The following ZMAT4 variants were observed in gnomAD, a reference collection of about 807,000 sequenced individuals.
The protein encoded by ZMAT4 is zinc finger matrin-type protein 4.
Under a neutral mutation model 28.7 loss-of-function variants are expected in ZMAT4, and 17 were observed. That is an observed-to-expected ratio of 0.59 (90% CI 0.41 to 0.89). The LOEUF (loss-of-function observed/expected upper bound fraction) is 0.89, where lower values mean the gene tolerates loss of function less well. Ranked by LOEUF, ZMAT4 falls within the 40% of genes least tolerant of loss-of-function variation. The pLI, the probability that ZMAT4 is intolerant of heterozygous loss-of-function variation, is 0.00. For missense variants in ZMAT4, 240 were observed against 283.8 expected (o/e 0.85, Z 1.11); for synonymous variants, 117 against 109.2 (o/e 1.07, Z -0.44).
intron 1 of ZMAT4, among the ~76,000 whole-genome samples, chr8:40,891,279 A>AGGGGGGAGG (rs1818676174): frequency 7.4e-6 from 1 of 135,402 alleles, no homozygotes; most frequent in Non-Finnish European, 1.6e-5. Flanking sequence ...GGAAGGGGAA[A>AGGGGGGAGG]TTGAAGACAG....
rs182768867 is a variant in ZMAT4 at position 40,764,856 on chromosome 8, G to A, written c.192+2785C>T. ...ATTATTATTATTATTTTTAGAGACA[G>A]TGTCTCACTCTGTTGCCCAGACTGG... On this transcript the variant is annotated intron_variant, in intron 3 of 6. Coordinates refer to ENST00000297737, the MANE Select transcript of ZMAT4 (RefSeq NM_024645.3). Among the ~76,000 whole-genome samples the A allele has an allele frequency of 5.5e-4, 83 of 152,126 alleles. 1 individual carries two copies. In the East Asian group the frequency reaches 0.013, roughly 23 times the overall value.
At chr8:40,656,488 T>C (rs1398150189) in intron 5 of ZMAT4, among the ~76,000 whole-genome samples, 2 of 152,092 alleles carry the variant, frequency 1.3e-5, no homozygotes, top group African/African-American at 2.4e-5. Flanking sequence ...CAAAAACTTT[T>C]CCATGAATGT....
chr8:40,640,830 A>G (rs1380967616), intron 5 of ZMAT4, among the ~76,000 whole-genome samples: 1 of 151,888 alleles, frequency 6.6e-6, no homozygotes, highest in Admixed American at 6.6e-5. Flanking sequence ...ATGGTGGTGC[A>G]TTCCTGTAGT....
At chr8:40,794,170 A>G (rs1814484441) in intron 2 of ZMAT4, among the ~76,000 whole-genome samples, 1 of 152,170 alleles carries the variant, frequency 6.6e-6, no homozygotes, top group Non-Finnish European at 1.5e-5. Flanking sequence ...GTTGATGCAT[A>G]ATGTGGTGCA....
At chr8:40,860,400 A>G (rs554347614) in intron 1 of ZMAT4, among the ~76,000 whole-genome samples, 1 of 152,346 alleles carries the variant, frequency 6.6e-6, no homozygotes, top group Non-Finnish European at 1.5e-5. Flanking sequence ...ATTAAAACAG[A>G]CAATTTTTCA....
At chr8:40,665,877 T>A (rs1236385373) in intron 5 of ZMAT4, among the ~76,000 whole-genome samples, 1 of 152,192 alleles carries the variant, frequency 6.6e-6, no homozygotes, top group African/African-American at 2.4e-5. Flanking sequence ...TATAATTCAA[T>A]GATATTGACT....
At chr8:40,777,468 T>C (rs1813646201) in intron 2 of ZMAT4, among the ~76,000 whole-genome samples, 2 of 152,226 alleles carry the variant, frequency 1.3e-5, no homozygotes, top group South Asian at 4.1e-4. Flanking sequence ...CCTTTTCCTG[T>C]TGCCCCGGGC....
chr8:40,588,142 T>C (rs2118568023), intron 5 of ZMAT4, among the ~76,000 whole-genome samples: 1 of 152,012 alleles, frequency 6.6e-6, no homozygotes, highest in East Asian at 1.9e-4. Context: ...TATTTAAATG[T>C]AAAAACCAAA....
chr8:40,850,777 G>C (rs555614434), intron 1 of ZMAT4, among the ~76,000 whole-genome samples: 2 of 152,086 alleles, frequency 1.3e-5, no homozygotes, highest in Non-Finnish European at 2.9e-5. Context: ...CTTACAGTCC[G>C]GCAGTTACAC....
chr8:40,606,354 T>C (rs1805578975), intron 5 of ZMAT4, among the ~76,000 whole-genome samples: 1 of 152,226 alleles, frequency 6.6e-6, no homozygotes, highest in African/African-American at 2.4e-5. Flanking sequence ...CTTTTAGCAG[T>C]TCTTGTAGAG....
At chr8:40,700,012 C>A (rs1810063131) in intron 3 of ZMAT4, among the ~76,000 whole-genome samples, 1 of 152,162 alleles carries the variant, frequency 6.6e-6, no homozygotes, top group Admixed American at 6.5e-5. Context: ...GTTTCCAGGA[C>A]AAAGAGTTGC....
intron 1 of ZMAT4, among the ~76,000 whole-genome samples, chr8:40,894,776 G>GAA (rs76999806): frequency 3.9e-4 from 58 of 146,906 alleles, no homozygotes; most frequent in Admixed American, 1.0e-3. Flanking sequence ...CACATCCACA[G>GAA]AAAAAAAAAA....
intron 5 of ZMAT4, among the ~76,000 whole-genome samples, chr8:40,613,107 G>A (rs1387655249): frequency 2.0e-5 from 3 of 150,776 alleles, no homozygotes; most frequent in African/African-American, 4.9e-5. Context: ...CACCGTGACC[G>A]GCCTCTATCC....
In ZMAT4 at chr8:40,697,717, C is replaced by G. The variant is rs558989376; in HGVS notation, c.193-316G>C. ...AATGCTATCCCTCCCCTAGCCCCCC[C>G]ACCCCCTGACCGGCCCCGGTGCAAT... On this transcript the variant is annotated intron_variant, in intron 3 of 6. Coordinates refer to ENST00000297737, the MANE Select transcript of ZMAT4 (RefSeq NM_024645.3). Among the ~76,000 whole-genome samples, 6 of 143,530 alleles carry G rather than the reference C, an allele frequency of 4.2e-5. No individual in the cohort carries two copies. In the South Asian group the frequency reaches 1.3e-3, roughly 30 times the overall value. The allele number at this position is 143,530 out of a possible 152,430, so 94.2% of individuals were successfully genotyped here.
At chr8:40,664,230 C>G (rs1178988619) in intron 5 of ZMAT4, among the ~76,000 whole-genome samples, 5 of 152,138 alleles carry the variant, frequency 3.3e-5, no homozygotes, top group African/African-American at 1.2e-4. Flanking sequence ...TTGGGTCACT[C>G]ACTCTGTAGG....
At chr8:40,751,927 T>G (rs1812469503) in intron 3 of ZMAT4, among the ~76,000 whole-genome samples, 1 of 152,156 alleles carries the variant, frequency 6.6e-6, no homozygotes, top group Non-Finnish European at 1.5e-5. Context: ...CAAAGATGTA[T>G]AAGGGAAGAC....
At chr8:40,800,841 A>G (rs1354996622) in intron 2 of ZMAT4, among the ~76,000 whole-genome samples, 4 of 152,098 alleles carry the variant, frequency 2.6e-5, no homozygotes, top group Non-Finnish European at 2.9e-5. Context: ...TCAGAAAACT[A>G]GAAAGAGAAG....
At chr8:40,860,093 C>A (rs144964560) in intron 1 of ZMAT4, among the ~76,000 whole-genome samples, 2 of 152,218 alleles carry the variant, frequency 1.3e-5, no homozygotes, top group East Asian at 3.8e-4. Context: ...ATCTTTTCAG[C>A]CTCAGTTTCC....
intron 5 of ZMAT4, among the ~76,000 whole-genome samples, chr8:40,664,894 G>A (rs189655773): frequency 1.3e-5 from 2 of 152,282 alleles, no homozygotes; most frequent in African/African-American, 4.8e-5. Context: ...AGGTAACTTG[G>A]GTACCTGAAG....
Sources: gnomAD v4.1 joint callset for allele counts (sites outside exome capture counted in the v4.1 genomes callset) on GRCh38, gnomAD v4.1.1 for gene constraint, MANE v1.5 for transcripts, NCBI Gene and HGNC (gene_info 2026-07-23, HGNC 2026-07-21) for gene names.